IFT80: variants seen among roughly 807,000 people sequenced by gnomAD.
IFT80 encodes intraflagellar transport 80.
In IFT80, 79 loss-of-function variants were observed where a neutral mutation model predicts 107.9. The observed-to-expected ratio is 0.73, with a 90% CI of 0.61 to 0.88. The LOEUF (loss-of-function observed/expected upper bound fraction) is 0.88, where lower values mean the gene tolerates loss of function less well. Ranked by LOEUF, IFT80 falls within the 40% of genes least tolerant of loss-of-function variation. The probability of loss-of-function intolerance (pLI) is 0.00; values close to 1 mark genes in which losing one functional copy is unlikely to be tolerated. For missense variants in IFT80, 797 were observed against 914.2 expected (o/e 0.87, Z 1.65); for synonymous variants, 299 against 300.9 (o/e 0.99, Z 0.07).
chr3:160,381,382 T>C (rs1374682429), intron 3 of IFT80, 121 bp downstream of exon 3: 6 of 764,086 alleles, frequency 7.9e-6, no homozygotes, highest in Non-Finnish European at 1.4e-5. Context: ...AGAAATACAA[T>C]ATGTGGATAA....
chr3:160,286,219 C>T (rs1413510126), intron 12 of IFT80, among the ~76,000 whole-genome samples: 1 of 152,054 alleles, frequency 6.6e-6, no homozygotes, highest in Non-Finnish European at 1.5e-5. Flanking sequence ...AAAACTTCCT[C>T]TTTGTCCTTT....
intron 6 of IFT80, among the ~76,000 whole-genome samples, chr3:160,363,103 G>A (rs1395399552): frequency 2.0e-5 from 3 of 152,080 alleles, no homozygotes; most frequent in Non-Finnish European, 4.4e-5. Flanking sequence ...TGACACAATC[G>A]TATATTTAGA....
chr3:160,398,600 G>C (rs915579364), intron 1 of IFT80, among the ~76,000 whole-genome samples: 1 of 152,104 alleles, frequency 6.6e-6, no homozygotes, highest in Non-Finnish European at 1.5e-5. Flanking sequence ...TGTCAGGCGA[G>C]TTATGAACTC....
chr3:160,312,435 C>G (rs1049952671), intron 9 of IFT80, among the ~76,000 whole-genome samples: 5 of 148,366 alleles, frequency 3.4e-5, no homozygotes, highest in African/African-American at 1.2e-4. Flanking sequence ...GTTTCCTTAG[C>G]CAGCAGGAGC....
intron 12 of IFT80, among the ~76,000 whole-genome samples, chr3:160,288,101 T>C (rs373388400): frequency 6.6e-6 from 1 of 152,268 alleles, no homozygotes; most frequent in East Asian, 1.9e-4. Context: ...TCCCAGCACT[T>C]TGGGAGGCCG....
intron 5 of IFT80, among the ~76,000 whole-genome samples, chr3:160,369,045 T>C (rs1026106895): frequency 1.3e-5 from 2 of 152,010 alleles, no homozygotes; most frequent in Non-Finnish European, 2.9e-5. Context: ...TGTGGTCCCA[T>C]TAAGTCAGCT....
chr3:160,397,876 C>G (rs1371450222), intron 1 of IFT80, among the ~76,000 whole-genome samples: 1 of 152,088 alleles, frequency 6.6e-6, no homozygotes, highest in Non-Finnish European at 1.5e-5. Flanking sequence ...CATGCGCCAC[C>G]ATGCCCTGCT....
At chr3:160,303,812 A>G in intron 11 of IFT80, 103 bp downstream of exon 11, 1 of 731,060 alleles carries the variant, frequency 1.4e-6, no homozygotes, top group Non-Finnish European at 2.5e-6. Context: ...GATTGGTTCT[A>G]AATGACTAGT....
chr3:160,279,260 G>T lies in IFT80; in HGVS notation c.1769C>A (p.Ala590Asp), dbSNP rs766857775. ...ACTGCTTACATATTCATGGAGAATAGCAGGATATGGTGTTATGCTGATGTG... is the reference window on the plus strand; with the variant it reads ...ACTGCTTACATATTCATGGAGAATATCAGGATATGGTGTTATGCTGATGTG... ...LVHISITPYP[A>D]ILHEYVSSSK... Residue 590 changes from alanine (A) to aspartate (D), a missense_variant, in exon 16 of 20, where the codon GCT (alanine) becomes GAT (aspartate). Transcript: ENST00000326448. The T allele has an allele frequency of 6.2e-7, 1 of 1,612,828 alleles. No homozygotes were observed. Among genetic ancestry groups the T allele is most frequent in the Non-Finnish European group, 8.5e-7 (1 of 1,178,936 alleles).
rs570954118 is a variant in IFT80 at position 160,323,695 on chromosome 3, C to A, written c.778-3756G>T. Reference sequence around the variant, plus strand: ...AAGCAGGAAAGATCCAAAATTGACACCCTAACATCACAATTAAAAGAACTA... The same window carrying A: ...AAGCAGGAAAGATCCAAAATTGACAACCTAACATCACAATTAAAAGAACTA... On this transcript the variant is annotated intron_variant, in intron 8 of 19. Transcript: ENST00000326448. Among the ~76,000 whole-genome samples, 103 of 151,976 alleles carry A rather than the reference C, an allele frequency of 6.8e-4. 1 individual carries two copies. The highest frequency in any genetic ancestry group is 5.7e-3 in the Admixed American group (87 of 15,222).
intron 3 of IFT80, 86 bp from the exon 4 acceptor site, chr3:160,377,626 G>C (rs1450523471): frequency 4.4e-6 from 3 of 685,538 alleles, no homozygotes; most frequent in Non-Finnish European, 7.8e-6. Flanking sequence ...GGCACTAAAG[G>C]CATAAAGGCA....
At chr3:160,301,167 G>A in intron 11 of IFT80, 121 bp from the exon 12 acceptor site, 3 of 964,174 alleles carry the variant, frequency 3.1e-6, no homozygotes, top group South Asian at 3.8e-5. Context: ...ATGTAAATGT[G>A]TAGATATATA....
Position 160,302,759 on chromosome 3 carries a change from A to T in IFT80, c.1151+1156T>A, listed in dbSNP as rs890706679. 1.7e-4 allele frequency among the ~76,000 whole-genome samples: 26 copies of T among 152,152 alleles called. 1 individual carries two copies. Among genetic ancestry groups the T allele is most frequent in the Admixed American group, 3.9e-4 (6 of 15,274 alleles). The stretch of plus-strand genomic sequence containing the variant: ...TGACAAAAATGACTTATTTTAAAAA[A>T]TTTATGATGTAACTAAATAATTGAT... On this transcript the variant is annotated intron_variant, in intron 11 of 19. Coordinates refer to ENST00000326448, the MANE Select transcript of IFT80 (RefSeq NM_020800.3).
At chr3:160,394,282 ATACAC>A (rs1375856579) in intron 1 of IFT80, 1 of 152,266 alleles carries the variant, frequency 6.6e-6, no homozygotes, top group Non-Finnish European at 1.5e-5. Context: ...CACACATAAA[ATACAC>A]TAACATTAAT....
chr3:160,289,557 C>G lies in IFT80; in HGVS notation c.1316-3689G>C, dbSNP rs115657694. Among the ~76,000 whole-genome samples, 867 of 152,236 alleles carry G rather than the reference C, an allele frequency of 5.7e-3. 7 individuals carry two copies. The highest frequency in any genetic ancestry group is 0.02 in the African/African-American group (840 of 41,532). On this transcript the variant is annotated intron_variant, in intron 12 of 19. Coordinates refer to ENST00000326448, the MANE Select transcript of IFT80 (RefSeq NM_020800.3). ...GAAAGGGGAGAGTCAAGGGACTCAT[C>G]ATAGCAGGGTGGAAGTCTGAAATCA... is the stretch of plus-strand genomic sequence containing the variant.
intron 7 of IFT80, 48 bp downstream of exon 7, chr3:160,357,441 T>C: frequency 9.8e-7 from 1 of 1,025,488 alleles, no homozygotes; most frequent in Non-Finnish European, 1.5e-6. Flanking sequence ...GCTAAGTACT[T>C]ATAAATTTGA....
At chr3:160,333,978 TATG>T (rs1447595206) in intron 8 of IFT80, among the ~76,000 whole-genome samples, 3 of 152,196 alleles carry the variant, frequency 2.0e-5, no homozygotes, top group Non-Finnish European at 4.4e-5. Flanking sequence ...TGTGTTGTAC[TATG>T]ATACTAGGAT....
At chr3:160,334,851 A>G (rs1719350307) in intron 8 of IFT80, among the ~76,000 whole-genome samples, 1 of 151,794 alleles carries the variant, frequency 6.6e-6, no homozygotes, top group African/African-American at 2.4e-5. Context: ...TAGAATGATA[A>G]AATGTCCACA....
chr3:160,383,354 CTATT>C (rs1712676572), intron 2 of IFT80: 2 of 609,902 alleles, frequency 3.3e-6, no homozygotes, highest in Non-Finnish European at 4.1e-6. Context: ...ACAGTAAAAA[CTATT>C]TAAGGGGGAA....
Sources: allele counts gnomAD v4.1 joint callset (sites outside exome capture counted in the v4.1 genomes callset), GRCh38; gene constraint gnomAD v4.1.1; transcripts MANE v1.5; gene names NCBI Gene and HGNC (gene_info 2026-07-23, HGNC 2026-07-21).